PRIM2: variants seen among roughly 807,000 people sequenced by gnomAD.
PRIM2 encodes DNA primase subunit 2.
In PRIM2, 39 loss-of-function variants were observed where a neutral mutation model predicts 67.3. That is an observed-to-expected ratio of 0.58 (90% CI 0.45 to 0.76). PRIM2 has a LOEUF of 0.76. Ranked by LOEUF, PRIM2 falls within the 30% of genes least tolerant of loss-of-function variation. The pLI, the probability that PRIM2 is intolerant of heterozygous loss-of-function variation, is 0.00. For missense variants in PRIM2, 398 were observed against 598.7 expected, an observed-to-expected ratio of 0.66 and a Z score of 3.50; for synonymous variants, 143 against 198.7, an observed-to-expected ratio of 0.72 and a Z score of 2.36.
At chr6:57,434,578 C>T (rs1253113115) in intron 7 of PRIM2, among the ~76,000 whole-genome samples, 1 of 152,038 alleles carries the variant, frequency 6.6e-6, no homozygotes, top group Non-Finnish European at 1.5e-5. Flanking sequence ...GGAAGTTACC[C>T]ATATAGTAAA....
At chr6:57,506,654 T>G (rs1160709246) in intron 7 of PRIM2, among the ~76,000 whole-genome samples, 1 of 152,054 alleles carries the variant, frequency 6.6e-6, no homozygotes, top group African/African-American at 2.4e-5. Context: ...TTTAATTTCC[T>G]TGTGTCAAAT....
the PRIM2 span, among the ~76,000 whole-genome samples, chr6:57,235,757 G>C: frequency 1.3e-5 from 2 of 152,182 alleles, no homozygotes; most frequent in East Asian, 3.9e-4. Context: ...GTCTTTATAA[G>C]AGGGAAGCAA....
At chr6:57,404,635 CA>C (rs1770821911) in intron 7 of PRIM2, among the ~76,000 whole-genome samples, 1 of 152,202 alleles carries the variant, frequency 6.6e-6, no homozygotes, top group South Asian at 2.1e-4. Context: ...AGAACTGTTG[CA>C]GTTGGCTGCA....
intron 13 of PRIM2, among the ~76,000 whole-genome samples, chr6:57,635,185 T>A (rs1220573150): frequency 6.6e-6 from 1 of 152,156 alleles, no homozygotes; most frequent in Non-Finnish European, 1.5e-5. Context: ...ACCAGCTGCC[T>A]CATTATAAGC....
intron 7 of PRIM2, among the ~76,000 whole-genome samples, chr6:57,489,927 GTTT>G (rs1157953922): frequency 7.8e-6 from 1 of 127,638 alleles, no homozygotes; most frequent in Admixed American, 7.9e-5. Context: ...TGTTTTAAGT[GTTT>G]TTTTTTTTTT....
intron 11 of PRIM2, among the ~76,000 whole-genome samples, chr6:57,603,401 C>T (rs1307369620): frequency 1.3e-5 from 2 of 152,052 alleles, no homozygotes; most frequent in African/African-American, 2.4e-5. Flanking sequence ...TTTCATGTCT[C>T]TGCTAGCTGG....
At chr6:57,637,472 G>A (rs1448376699) in intron 13 of PRIM2, among the ~76,000 whole-genome samples, 1 of 152,078 alleles carries the variant, frequency 6.6e-6, no homozygotes, top group Non-Finnish European at 1.5e-5. Flanking sequence ...AACTAAAGGA[G>A]CATGTTCTAA....
intron 12 of PRIM2, among the ~76,000 whole-genome samples, chr6:57,615,146 C>T (rs1341122595): frequency 2.4e-4 from 37 of 152,152 alleles, no homozygotes; most frequent in African/African-American, 8.7e-4. Flanking sequence ...GAGCTGGGTG[C>T]GGTGGCTCAT....
intron 7 of PRIM2, among the ~76,000 whole-genome samples, chr6:57,448,880 C>G (rs1406119320): frequency 6.6e-6 from 1 of 152,106 alleles, no homozygotes; most frequent in Admixed American, 6.6e-5. Context: ...GTCTTATGAT[C>G]TCTGTTTTAA....
chr6:57,393,032 C>T (rs1770407323), intron 7 of PRIM2, among the ~76,000 whole-genome samples: 1 of 151,202 alleles, frequency 6.6e-6, no homozygotes, highest in Admixed American at 6.6e-5. Context: ...ACACACACAC[C>T]ACAGTTTCTT....
chr6:57,573,753 A>G (rs1775908734), intron 10 of PRIM2, among the ~76,000 whole-genome samples: 1 of 152,228 alleles, frequency 6.6e-6, no homozygotes, highest in Non-Finnish European at 1.5e-5. Context: ...TAGCATAGGA[A>G]AACAAATATG....
At chr6:57,610,917 C>T (rs1776655649) in intron 12 of PRIM2, among the ~76,000 whole-genome samples, 1 of 152,088 alleles carries the variant, frequency 6.6e-6, no homozygotes, top group Non-Finnish European at 1.5e-5. Context: ...AATAGTAACC[C>T]AGGTAGATCA....
At chr6:57,351,894 A>T (rs1160551692) in intron 5 of PRIM2, among the ~76,000 whole-genome samples, 1 of 152,230 alleles carries the variant, frequency 6.6e-6, no homozygotes, top group East Asian at 1.9e-4. Flanking sequence ...TAGATTTTTC[A>T]TGACCCCGTG....
intron 7 of PRIM2, among the ~76,000 whole-genome samples, chr6:57,446,833 T>C (rs1471311575): frequency 6.6e-6 from 1 of 152,168 alleles, no homozygotes; most frequent in Non-Finnish European, 1.5e-5. Flanking sequence ...CAGTCCACCA[T>C]CTGCTTGTGC....
At chr6:57,557,324 T>G (rs1775533986) in intron 10 of PRIM2, among the ~76,000 whole-genome samples, 1 of 151,656 alleles carries the variant, frequency 6.6e-6, no homozygotes, top group Non-Finnish European at 1.5e-5. Flanking sequence ...ACGCGAATGT[T>G]CATTGCAGCA....
At chr6:57,642,603 C>G (rs1253649472) in intron 13 of PRIM2, among the ~76,000 whole-genome samples, 1 of 151,120 alleles carries the variant, frequency 6.6e-6, no homozygotes, top group African/African-American at 2.4e-5. Context: ...CCACCATGCC[C>G]GGCTAATTTT....
the PRIM2 span, among the ~76,000 whole-genome samples, chr6:57,251,060 T>C: frequency 6.6e-6 from 1 of 152,208 alleles, no homozygotes; most frequent in South Asian, 2.1e-4. Flanking sequence ...TATTTCTCTC[T>C]TATAATCTTC....
At chr6:57,243,521 T>C in the PRIM2 span, among the ~76,000 whole-genome samples, 2 of 152,196 alleles carry the variant, frequency 1.3e-5, no homozygotes, top group African/African-American at 4.8e-5. Flanking sequence ...CAGGCTGGAG[T>C]GCAGTGGTGC....
At chr6:57,246,857 CTTTT>C in the PRIM2 span, among the ~76,000 whole-genome samples, 1 of 140,328 alleles carries the variant, frequency 7.1e-6, no homozygotes, top group Admixed American at 7.2e-5. Flanking sequence ...GACTTAATTT[CTTTT>C]TTTTTTTTTT....
Sources: gnomAD v4.1 joint callset for allele counts (sites outside exome capture counted in the v4.1 genomes callset) on GRCh38, gnomAD v4.1.1 for gene constraint, MANE v1.5 for transcripts, NCBI Gene and HGNC (gene_info 2026-07-23, HGNC 2026-07-21) for gene names.